COL5A1: variants seen among roughly 807,000 people sequenced by gnomAD.
COL5A1 encodes the protein collagen alpha-1(V) chain.
In COL5A1, 16 loss-of-function variants were observed where a neutral mutation model predicts 263.7. That is an observed-to-expected ratio of 0.06 (90% CI 0.04 to 0.09). COL5A1 has a LOEUF of 0.09. Among genes scored for constraint, COL5A1 ranks in the 10% least tolerant of loss-of-function variants. COL5A1 has a pLI of 1.00. For synonymous variants in COL5A1, 1,012 were observed against 1,004.5 expected, an observed-to-expected ratio of 1.01 and a Z score of -0.14; for missense variants, 2,036 against 2,540.5, an observed-to-expected ratio of 0.80 and a Z score of 4.27.
rs568437554 is a variant in COL5A1 at position 134,755,362 on chromosome 9, G to T, written c.1827+1036G>T. 6.6e-6 allele frequency among the ~76,000 whole-genome samples: 1 copy of T among 152,208 alleles called. No individual in the cohort carries two copies. The highest frequency in any genetic ancestry group is 1.5e-5 in the Non-Finnish European group (1 of 68,048). On this transcript the variant is annotated intron_variant, in intron 16 of 65. Coordinates refer to ENST00000371817, the MANE Select transcript of COL5A1 (RefSeq NM_000093.5). The surrounding 1 kb of genome is among the most constrained non-coding windows in gnomAD (Gnocchi z 4.1). ...AGAGTGAGGTTAAAAACTGGAACAA[G>T]AGGAGACTCGGGAAATGCTGTCTAA...
At chr9:134,753,602 C>T (rs1324263497) in intron 14 of COL5A1, among the ~76,000 whole-genome samples, 3 of 152,178 alleles carry the variant, frequency 2.0e-5, no homozygotes, top group South Asian at 2.1e-4. Flanking sequence ...GTGGTGTTTG[C>T]GAGCCCCAAC....
Position 134,765,652 on chromosome 9 carries a change from TA to T in COL5A1, c.2035-26del, listed in dbSNP as rs759283595. 2 of 1,607,680 alleles carry T rather than the reference TA, an allele frequency of 1.2e-6. No individual in the cohort carries two copies. The highest frequency in any genetic ancestry group is 2.7e-5 in the African/African-American group (2 of 74,886). The stretch of plus-strand genomic sequence containing the variant: ...GAGGGCTGGGATTTCTGCCCGAGTT[TA>T]AATCCTATTTTCCCTTTCCTCTTAC... On this transcript the variant is annotated intron_variant, in intron 20 of 65. Transcript: ENST00000371817. This position sits in a 1 kb window ranked among gnomAD's most constrained non-coding sequence, Gnocchi z 5.1.
intron 16 of COL5A1, among the ~76,000 whole-genome samples, chr9:134,756,126 G>A (rs927341001): frequency 2.3e-4 from 35 of 152,140 alleles, no homozygotes; most frequent in Non-Finnish European, 2.8e-4. Context: ...AGTGGGCCCC[G>A]GAAGGTCTAG....
At chr9:134,665,255 TC>T (rs1376031259) in intron 1 of COL5A1, among the ~76,000 whole-genome samples, 1 of 152,154 alleles carries the variant, frequency 6.6e-6, no homozygotes, top group African/African-American at 2.4e-5. Flanking sequence ...CATCTCCAGT[TC>T]CCAGAATGTT....
rs116059178 is a variant in COL5A1 at position 134,773,045 on chromosome 9, G to T, written c.2331+211G>T. Among the ~76,000 whole-genome samples, 196 of 132,486 alleles carry T rather than the reference G, an allele frequency of 1.5e-3. 1 individual carries two copies. Among genetic ancestry groups the T allele is most frequent in the African/African-American group, 5.2e-3 (188 of 36,478 alleles). 86.9% of individuals were successfully genotyped at this position (132,486 alleles called of 152,430 possible). A position where few individuals can be genotyped will look rare whatever the true frequency, so the allele number is the denominator to read the frequency against. ...GCGGGGCACCCCTCTCTGGGTCAGT[G>T]CCCCTCACCCCACCCTCCAGTTGCT... On this transcript the variant is annotated intron_variant, in intron 26 of 65. Transcript: ENST00000371817.
intron 27 of COL5A1, 39 bp from the exon 28 acceptor site, chr9:134,780,063 T>TC (rs779380153): frequency 1.2e-6 from 2 of 1,612,314 alleles, no homozygotes; most frequent in South Asian, 2.2e-5. Flanking sequence ...GGCTGAGACT[T>TC]GTAACCATTC....
At chr9:134,839,113 C>T (rs1005363824) in intron 65 of COL5A1, among the ~76,000 whole-genome samples, 3 of 152,234 alleles carry the variant, frequency 2.0e-5, no homozygotes, top group Non-Finnish European at 2.9e-5. Context: ...TAATAACGGC[C>T]GAAGAAATTG....
chr9:134,815,749 T>C, intron 51 of COL5A1, 120 bp downstream of exon 51: 2 of 1,288,742 alleles, frequency 1.6e-6, no homozygotes, highest in Middle Eastern at 2.4e-4. Flanking sequence ...GCAGGCAATG[T>C]CCCAAAAGGC....
chr9:134,776,420 T>C (rs888406782), intron 27 of COL5A1, among the ~76,000 whole-genome samples: 1 of 152,224 alleles, frequency 6.6e-6, no homozygotes, highest in Non-Finnish European at 1.5e-5. Context: ...GCCTATCTGA[T>C]TAAAATTCAT....
chr9:134,765,609 G>T lies in COL5A1; in HGVS notation c.2035-72G>T, dbSNP rs1035463415. ...TTCTGGGTGGAGTCAGGGCCAAGTG[G>T]GCATAGGGGACAGAGAGGAGGGCTG... is the stretch of plus-strand genomic sequence containing the variant. On this transcript the variant is annotated intron_variant, in intron 20 of 65. Transcript: ENST00000371817. The surrounding 1 kb of genome is among the most constrained non-coding windows in gnomAD (Gnocchi z 5.1). 13 of 1,389,788 alleles carry T rather than the reference G, an allele frequency of 9.4e-6. No individual in the cohort carries two copies. The African/African-American group carries it at 1.3e-4, about 14-fold the overall frequency. 86.1% of individuals were successfully genotyped at this position (1,389,788 alleles called of 1,614,324 possible).
At chr9:134,833,981 C>G (rs528432242) in intron 64 of COL5A1, among the ~76,000 whole-genome samples, 102 of 152,160 alleles carry the variant, frequency 6.7e-4, no homozygotes, top group Non-Finnish European at 8.8e-4. Context: ...GAGCAGTGGT[C>G]TAGGCTGTGA....
Position 134,747,976 on chromosome 9 carries a change from C to T in COL5A1, c.1495-2566C>T, listed in dbSNP as rs369245938. ...GCAGACACATGCACACATGCATTCACACACACATGCATTCACACACACATA... is the reference window on the plus strand; with the variant it reads ...GCAGACACATGCACACATGCATTCATACACACATGCATTCACACACACATA... On this transcript the variant is annotated intron_variant, in intron 11 of 65. Coordinates refer to ENST00000371817, the MANE Select transcript of COL5A1 (RefSeq NM_000093.5). Among the ~76,000 whole-genome samples the T allele has an allele frequency of 2.1e-3, 302 of 140,732 alleles. 3 individuals carry two copies. In the Middle Eastern group the frequency reaches 0.027, roughly 13 times the overall value. 92.3% of individuals were successfully genotyped at this position (140,732 alleles called of 152,430 possible). A position where few individuals can be genotyped will look rare whatever the true frequency, so the allele number is the denominator to read the frequency against.
intron 4 of COL5A1, among the ~76,000 whole-genome samples, chr9:134,705,101 A>G (rs922165470): frequency 2.0e-5 from 3 of 152,212 alleles, no homozygotes; most frequent in Admixed American, 6.5e-5. Flanking sequence ...TTAGAGTTAT[A>G]CTGAACAAGG....
rs1053329223 is a variant in COL5A1, at chr9:134,735,194, C to T, written c.1389+3067C>T. Among the ~76,000 whole-genome samples the T allele has an allele frequency of 1.1e-4, 16 of 139,512 alleles. No individual in the cohort carries two copies. In the East Asian group the frequency reaches 1.9e-3, roughly 16 times the overall value. 91.5% of individuals were successfully genotyped at this position (139,512 alleles called of 152,430 possible). On this transcript the variant is annotated intron_variant, in intron 9 of 65. Coordinates refer to ENST00000371817, the MANE Select transcript of COL5A1 (RefSeq NM_000093.5). ...CGCCACTGCACTCCAGCCTGGACAG[C>T]GTGAGACTCCATCTCAAAAAAAAAA...
intron 1 of COL5A1, among the ~76,000 whole-genome samples, chr9:134,685,790 T>G (rs947130332): frequency 7.1e-5 from 8 of 113,200 alleles, no homozygotes; most frequent in Admixed American, 6.6e-4. Context: ...ATCCATCCAT[T>G]GTCCATCATC....
intron 1 of COL5A1, among the ~76,000 whole-genome samples, chr9:134,665,009 GC>G (rs1171780429): frequency 1.2e-4 from 18 of 152,176 alleles, no homozygotes; most frequent in African/African-American, 4.3e-4. Flanking sequence ...GACCAGCCTG[GC>G]CAACATGGTG....
At chr9:134,739,337 G>A (rs920157623) in intron 11 of COL5A1, among the ~76,000 whole-genome samples, 13 of 152,218 alleles carry the variant, frequency 8.5e-5, no homozygotes, top group African/African-American at 4.8e-5. Context: ...CAAGTACTGC[G>A]GCCTCCTGGT....
At chr9:134,823,795 A>G (rs1470906939) in intron 61 of COL5A1, among the ~76,000 whole-genome samples, 2 of 152,160 alleles carry the variant, frequency 1.3e-5, no homozygotes, top group East Asian at 3.9e-4. Context: ...GCATGTCTGT[A>G]TGTGTACGTG....
At chr9:134,808,317 C>T (rs1452348952) in intron 42 of COL5A1, among the ~76,000 whole-genome samples, 5 of 152,114 alleles carry the variant, frequency 3.3e-5, no homozygotes, top group African/African-American at 1.2e-4. Flanking sequence ...ATAGGCTGCT[C>T]ACAGAGTGAT....
Sources: allele counts gnomAD v4.1 joint callset (sites outside exome capture counted in the v4.1 genomes callset), GRCh38; gene constraint gnomAD v4.1.1; non-coding constraint Gnocchi (gnomAD v3.1); transcripts MANE v1.5; gene names NCBI Gene and HGNC (gene_info 2026-07-23, HGNC 2026-07-21).